The following SEPTIN12 variants were observed in gnomAD, a reference collection of about 807,000 sequenced individuals.
SEPTIN12 encodes the protein septin 12, also known as septin-12.
Under a neutral mutation model 37.7 loss-of-function variants are expected in SEPTIN12, and 42 were observed. The ratio of observed to expected loss-of-function variants is 1.11; its 90% CI spans 0.87 to 1.44. The LOEUF is 1.44. Among genes scored for constraint, SEPTIN12 ranks in the 40% most tolerant of loss-of-function variants. The pLI is 0.00. For synonymous variants in SEPTIN12, 254 were observed against 196.7 expected (o/e 1.29, Z -2.44); for missense variants, 613 against 479.2 (o/e 1.28, Z -2.61).
intron 8 of SEPTIN12, 103 bp downstream of exon 8, chr16:4,779,587 G>A (rs886098409): frequency 6.4e-6 from 5 of 782,482 alleles, no homozygotes; most frequent in Non-Finnish European, 9.1e-6. Context: ...TGTCTAGTGG[G>A]CTTCACCTTT....
intron 8 of SEPTIN12, 63 bp from the exon 9 acceptor site, chr16:4,778,200 T>C (rs2082335098): frequency 6.6e-7 from 1 of 1,510,448 alleles, no homozygotes; most frequent in South Asian, 1.1e-5. Context: ...GCCTACTGTA[T>C]GCACCACCTG....
chr16:4,779,614 G>C (rs1224003199), intron 8 of SEPTIN12, 76 bp downstream of exon 8: 3 of 860,334 alleles, frequency 3.5e-6, no homozygotes, highest in Admixed American at 3.4e-5. Context: ...CCTGTGATGG[G>C]TGCGAAGGTT....
rs1317942332 is a variant in SEPTIN12, at chr16:4,783,765, G to A, written c.514C>T (p.Leu172=). Residue 172 remains leucine, a splice_region_variant and synonymous_variant, in exon 6 of 10, where the codon CTG becomes TTG. Coordinates refer to ENST00000268231, the MANE Select transcript of SEPTIN12 (RefSeq NM_144605.5). ...VYFVPPTGHC[L]RPLDIEFLQR... is the part of the protein sequence containing the mutation. ...AGGAACTCAATGTCCAGGGGCCGCA[G>A]GCTGCCGGAGGCAGGGCAGTGATGG... The A allele has an allele frequency of 6.2e-7, 1 of 1,613,596 alleles. No homozygotes were observed. The highest frequency in any genetic ancestry group is 1.1e-5 in the South Asian group (1 of 91,078).
At chr16:4,781,918 A>C (rs1033784628) in intron 7 of SEPTIN12, among the ~76,000 whole-genome samples, 2 of 125,198 alleles carry the variant, frequency 1.6e-5, no homozygotes, top group Non-Finnish European at 3.2e-5. Context: ...TGCTGGGATT[A>C]CAGGTGTGAG....
chr16:4,790,827 T>C (rs1163667101), upstream of SEPTIN12, among the ~76,000 whole-genome samples: 1 of 151,956 alleles, frequency 6.6e-6, no homozygotes, highest in African/African-American at 2.4e-5. Context: ...AGTAAATAAA[T>C]AAAGGCTTAG....
chr16:4,787,659 T>A lies in SEPTIN12; in HGVS notation c.-14A>T, dbSNP rs775402113. The A allele has an allele frequency of 6.6e-7, 1 of 1,504,938 alleles. No homozygotes were observed. Among genetic ancestry groups the A allele is most frequent in the South Asian group, 1.2e-5 (1 of 85,314 alleles). 93.2% of individuals were successfully genotyped at this position (1,504,938 alleles called of 1,614,324 possible). On this transcript the variant is annotated 5_prime_UTR_variant, in exon 2 of 10. Transcript: ENST00000268231. Reference sequence around the variant, plus strand: ...CAGGGGGTCCATGGGGGCCAAGGGTTCGAGATGCCTGTCACCAGGTGGGTG... The same window carrying A: ...CAGGGGGTCCATGGGGGCCAAGGGTACGAGATGCCTGTCACCAGGTGGGTG...
intron 2 of SEPTIN12, 57 bp downstream of exon 2, chr16:4,787,423 C>T: frequency 1.3e-6 from 2 of 1,545,304 alleles, no homozygotes; most frequent in Non-Finnish European, 1.8e-6. Flanking sequence ...AGGCCACACG[C>T]CCAGGCACGC....
chr16:4,786,961 GC>G (rs2082462024), intron 2 of SEPTIN12, among the ~76,000 whole-genome samples: 2 of 151,974 alleles, frequency 1.3e-5, no homozygotes, highest in South Asian at 4.2e-4. Context: ...TACAACATCT[GC>G]CTCCCAGGTT....
At chr16:4,786,379 C>G (rs936659163) in intron 2 of SEPTIN12, among the ~76,000 whole-genome samples, 8 of 141,890 alleles carry the variant, frequency 5.6e-5, no homozygotes, top group Non-Finnish European at 1.1e-4. Context: ...TTTTGAGACG[C>G]AGTCTCGCTC....
At chr16:4,784,803 A>C (rs1431577207) in intron 4 of SEPTIN12, among the ~76,000 whole-genome samples, 2 of 150,834 alleles carry the variant, frequency 1.3e-5, no homozygotes, top group Admixed American at 1.3e-4. Context: ...ATAAATAAAT[A>C]AATAAATAAA....
chr16:4,791,468 G>C (rs375853057), upstream of SEPTIN12, among the ~76,000 whole-genome samples: 2 of 152,094 alleles, frequency 1.3e-5, no homozygotes, highest in Non-Finnish European at 2.9e-5. Flanking sequence ...TCATCCTCAC[G>C]ACACTGGGAG....
intron 4 of SEPTIN12, 126 bp from the exon 5 acceptor site, chr16:4,784,194 G>T: frequency 9.4e-7 from 1 of 1,060,168 alleles, no homozygotes; most frequent in Non-Finnish European, 1.4e-6. Flanking sequence ...CCCGGGACCT[G>T]TGGGTCACCC....
At chr16:4,787,906 C>T (rs914305206) in intron 1 of SEPTIN12, 1 of 434,148 alleles carries the variant, frequency 2.3e-6, no homozygotes, top group Non-Finnish European at 4.2e-6. Context: ...AAGGGTCTGC[C>T]CTGTCCCCAC....
rs772238761 is a variant in SEPTIN12 at position 4,780,153 on chromosome 16, C to T, written c.727-367G>A. On this transcript the variant is annotated intron_variant, in intron 7 of 9. Coordinates refer to ENST00000268231, the MANE Select transcript of SEPTIN12 (RefSeq NM_144605.5). ...TATTATATAGCTCACACCTATAATC[C>T]CATAGCTCACTGCAGCCTTGACCTC... is the stretch of plus-strand genomic sequence containing the variant. Among the ~76,000 whole-genome samples, 2 of 152,074 alleles carry T rather than the reference C, an allele frequency of 1.3e-5. 1 individual carries two copies. Among genetic ancestry groups the T allele is most frequent in the South Asian group, 4.1e-4 (2 of 4,824 alleles).
rs138078167 is a variant in SEPTIN12, at chr16:4,783,691, G to T, written c.588C>A (p.Ala196=). ...TVNVVPVIAR[A]DSLTMEEREA... The stretch of plus-strand genomic sequence containing the variant: ...CTCGCTCCTCCATGGTCAGGCTGTC[G>T]GCCCTGGCAATCACGGGCACCACAT... Residue 196 remains alanine, a synonymous_variant, in exon 6 of 10, where the codon GCC becomes GCA. Transcript: ENST00000268231. 1.9e-5 allele frequency: 31 copies of T among 1,613,954 alleles called. No individual in the cohort carries two copies. The highest frequency in any genetic ancestry group is 1.5e-4 in the African/African-American group (11 of 74,926).
chr16:4,787,320 G>T (rs569382908), intron 2 of SEPTIN12, 160 bp downstream of exon 2: 10 of 725,482 alleles, frequency 1.4e-5, no homozygotes, highest in Non-Finnish European at 2.4e-5. Context: ...TAATGACTCA[G>T]CATTTCTCAA....
intron 7 of SEPTIN12, 152 bp downstream of exon 7, chr16:4,783,310 T>G: frequency 1.5e-6 from 1 of 665,406 alleles, no homozygotes; most frequent in East Asian, 2.6e-5. Context: ...TGTTATTTCT[T>G]GCTCACCTTG....
At chr16:4,780,773 C>G (rs1780421329) in intron 7 of SEPTIN12, among the ~76,000 whole-genome samples, 1 of 152,062 alleles carries the variant, frequency 6.6e-6, no homozygotes, top group Non-Finnish European at 1.5e-5. Context: ...GAGGTCAGGA[C>G]TTCAAGACCA....
At chr16:4,780,372 G>A (rs2082359565) in intron 7 of SEPTIN12, among the ~76,000 whole-genome samples, 1 of 151,998 alleles carries the variant, frequency 6.6e-6, no homozygotes, top group Admixed American at 6.6e-5. Flanking sequence ...ATAGGAGTGA[G>A]CTACCACACC....
Sources: gnomAD v4.1 joint callset for allele counts (sites outside exome capture counted in the v4.1 genomes callset) on GRCh38, gnomAD v4.1.1 for gene constraint, MANE v1.5 for transcripts, NCBI Gene and HGNC (gene_info 2026-07-23, HGNC 2026-07-21) for gene names.